The following ZMYM2 variants were observed in gnomAD, a reference collection of about 807,000 sequenced individuals.
ZMYM2 encodes zinc finger MYM-type containing 2.
ZMYM2 carries 56 observed loss-of-function variants against 162.8 expected under a neutral mutation model. That is an observed-to-expected ratio of 0.34 (90% CI 0.28 to 0.43). The LOEUF is 0.43. Ranked by LOEUF, ZMYM2 falls within the 20% of genes least tolerant of loss-of-function variation. The probability of loss-of-function intolerance (pLI) is 1.00; values close to 1 mark genes in which losing one functional copy is unlikely to be tolerated. For synonymous variants in ZMYM2, 510 were observed against 541.6 expected (o/e 0.94, Z 0.81); for missense variants, 1,275 against 1,621.8 (o/e 0.79, Z 3.67).
At chr13:20,023,952 T>C (rs1307942644) in intron 7 of ZMYM2, among the ~76,000 whole-genome samples, 1 of 151,886 alleles carries the variant, frequency 6.6e-6, no homozygotes, top group Non-Finnish European at 1.5e-5. Flanking sequence ...TTTTTTTTTT[T>C]TGGAGGCAGT....
the ZMYM2 span, among the ~76,000 whole-genome samples, chr13:19,911,355 G>A: frequency 6.6e-6 from 1 of 151,960 alleles, no homozygotes; most frequent in Non-Finnish European, 1.5e-5. Context: ...CACCATCTTC[G>A]GCCCCAGTTC....
At chr13:20,037,507 G>A (rs967946973) in intron 12 of ZMYM2, among the ~76,000 whole-genome samples, 1 of 152,080 alleles carries the variant, frequency 6.6e-6, no homozygotes, top group Admixed American at 6.6e-5. Flanking sequence ...AGCCACCAAT[G>A]CCCAGCTAAA....
chr13:19,917,604 A>G, the ZMYM2 span, among the ~76,000 whole-genome samples: 1 of 151,382 alleles, frequency 6.6e-6, no homozygotes, highest in East Asian at 2.0e-4. Context: ...TTTAAAAAAA[A>G]AAAAAAAAAA....
chr13:19,871,148 TG>T, the ZMYM2 span, among the ~76,000 whole-genome samples: 2 of 152,158 alleles, frequency 1.3e-5, no homozygotes, highest in Non-Finnish European at 2.9e-5. Context: ...ACATTATGCT[TG>T]CCTATTGAAA....
chr13:19,932,314 A>G, the ZMYM2 span, among the ~76,000 whole-genome samples: 18 of 152,116 alleles, frequency 1.2e-4, no homozygotes, highest in Non-Finnish European at 1.8e-4. Context: ...GGAAGTCAGG[A>G]GGGTGAGAAG....
chr13:19,908,041 A>G, the ZMYM2 span, among the ~76,000 whole-genome samples: 12,715 of 152,150 alleles, frequency 0.084, 569 homozygotes, highest in Middle Eastern at 0.12. Flanking sequence ...TAATCCCAGC[A>G]CTATGTGAGG....
chr13:19,912,292 G>GTTTTTTTTTTTTTTTTTTTT, the ZMYM2 span, among the ~76,000 whole-genome samples: 2 of 75,714 alleles, frequency 2.6e-5, no homozygotes, highest in African/African-American at 5.2e-5. Flanking sequence ...TGTTTTTTGG[G>GTTTTTTTTTTTTTTTTTTTT]TTTTTTTTTT....
chr13:20,037,454 G>A (rs1400455494), intron 12 of ZMYM2, among the ~76,000 whole-genome samples: 11 of 151,974 alleles, frequency 7.2e-5, no homozygotes, highest in Non-Finnish European at 1.6e-4. Flanking sequence ...GACCTCAGGT[G>A]ATCTGCCCGC....
intron 19 of ZMYM2, 129 bp downstream of exon 19, chr13:20,064,674 A>G (rs1956532928): frequency 4.8e-6 from 2 of 414,234 alleles, no homozygotes; most frequent in African/African-American, 2.1e-5. Context: ...TTTATTTTCT[A>G]TTTATATAGA....
At chr13:19,984,076 G>A (rs1337057300) in intron 2 of ZMYM2, among the ~76,000 whole-genome samples, 2 of 152,174 alleles carry the variant, frequency 1.3e-5, no homozygotes, top group Non-Finnish European at 2.9e-5. Flanking sequence ...TACTTAGAAA[G>A]CGTTTAGATA....
intron 2 of ZMYM2, 116 bp from the exon 3 acceptor site, chr13:19,992,947 A>G (rs187985703): frequency 8.7e-7 from 1 of 1,155,922 alleles, no homozygotes; most frequent in African/African-American, 1.6e-5. Flanking sequence ...TTAGACAAGA[A>G]TCACTTCATT....
At chr13:19,977,857 C>T (rs575472239) in intron 2 of ZMYM2, among the ~76,000 whole-genome samples, 5 of 150,532 alleles carry the variant, frequency 3.3e-5, no homozygotes, top group African/African-American at 4.9e-5. Flanking sequence ...ATTTGATTCC[C>T]TTCTTTTCTA....
intron 10 of ZMYM2, 71 bp from the exon 11 acceptor site, chr13:20,034,183 C>A: frequency 7.7e-7 from 1 of 1,299,618 alleles, no homozygotes. Flanking sequence ...AACTTTGCTT[C>A]TGTAAAAGTG....
intron 3 of ZMYM2, among the ~76,000 whole-genome samples, chr13:20,000,414 C>T (rs1002843824): frequency 2.0e-5 from 3 of 152,136 alleles, no homozygotes; most frequent in African/African-American, 2.4e-5. Flanking sequence ...CATGAAACAA[C>T]GGATTTTCAG....
At chr13:20,064,313 T>C (rs910605671) in intron 18 of ZMYM2, 138 bp from the exon 19 acceptor site, 1 of 508,652 alleles carries the variant, frequency 2.0e-6, no homozygotes, top group Non-Finnish European at 3.3e-6. Context: ...GTACAATGAG[T>C]CATTTACTCC....
rs187749362 is a variant in ZMYM2, at chr13:19,978,096, C to T, written c.-10-14967C>T. Among the ~76,000 whole-genome samples the T allele has an allele frequency of 5.0e-3, 767 of 152,058 alleles. 31 individuals carry two copies. The highest frequency in any genetic ancestry group is 0.047 in the Admixed American group (719 of 15,266). On this transcript the variant is annotated intron_variant, in intron 2 of 24. Coordinates refer to ENST00000610343, the MANE Select transcript of ZMYM2 (RefSeq NM_197968.4). ...GTTTCATCGAGTCAGGCAGGATGGT[C>T]TTGAACTCCTGACCTAGTGATCCTC...
rs1481489978 is a variant in ZMYM2 at position 19,993,772 on chromosome 13, T to A, written c.700T>A (p.Ser234Thr). 3 of 1,614,050 alleles carry A rather than the reference T, an allele frequency of 1.9e-6. No homozygotes were observed. The highest frequency in any genetic ancestry group is 2.7e-5 in the African/African-American group (2 of 74,928). ...NLGDVSNGLQ[S>T]SNFGVNIQTY... ...GGGAGATGTCTCTAACGGACTGCAGTCAAGTAATTTTGGTGTTAATATACA... is the reference window on the plus strand; with the variant it reads ...GGGAGATGTCTCTAACGGACTGCAGACAAGTAATTTTGGTGTTAATATACA... The change falls in exon 3 of 25, where the codon TCA (serine) becomes ACA (threonine). Residue 234 changes from serine (S) to threonine (T), a missense_variant. Around this residue, in one of 10 missense-constraint regions of ZMYM2, gnomAD observed 295 missense variants for 286.7 expected, o/e 1.03. Coordinates refer to ENST00000610343, the MANE Select transcript of ZMYM2 (RefSeq NM_197968.4).
intron 9 of ZMYM2, 80 bp from the exon 10 acceptor site, chr13:20,031,239 A>G (rs1204724616): frequency 4.2e-6 from 4 of 959,478 alleles, no homozygotes; most frequent in African/African-American, 3.4e-5. Flanking sequence ...CTTTCTGGAC[A>G]TCGTAGATAT....
the ZMYM2 span, among the ~76,000 whole-genome samples, chr13:19,937,977 T>C: frequency 2.0e-5 from 3 of 152,012 alleles, no homozygotes; most frequent in Non-Finnish European, 4.4e-5. Context: ...CTCATCATAT[T>C]ATTCCATGGT....
Sources: gnomAD v4.1 joint callset for allele counts (sites outside exome capture counted in the v4.1 genomes callset) on GRCh38, gnomAD v4.1.1 for gene constraint, gnomAD v4.1.1 regional missense constraint, MANE v1.5 for transcripts, NCBI Gene and HGNC (gene_info 2026-07-23, HGNC 2026-07-21) for gene names.